Variants in CAPG observed in about 807,000 individuals in gnomAD.
CAPG encodes the protein macrophage-capping protein.
In CAPG, 32 loss-of-function variants were observed where a neutral mutation model predicts 44.6. The ratio of observed to expected loss-of-function variants is 0.72; its 90% CI spans 0.54 to 0.96. CAPG has a LOEUF of 0.96. CAPG is among the 50% of genes least tolerant of loss of function. The pLI is 0.00. For synonymous variants in CAPG, 175 were observed against 179.6 expected, an observed-to-expected ratio of 0.97 and a Z score of 0.20; for missense variants, 412 against 438.3, an observed-to-expected ratio of 0.94 and a Z score of 0.54.
chr2:85,401,440 C>G (rs544422536), intron 4 of CAPG, 89 bp downstream of exon 4: 6 of 1,582,000 alleles, frequency 3.8e-6, no homozygotes, highest in Non-Finnish European at 5.2e-6. Context: ...CAAAGGCACC[C>G]GGGTCTTCTG....
chr2:85,392,604 T>C (rs1188544454), downstream of CAPG, among the ~76,000 whole-genome samples: 1 of 152,158 alleles, frequency 6.6e-6, no homozygotes, highest in Non-Finnish European at 1.5e-5. Context: ...CACCCAGGCG[T>C]GGAGGGGAAC....
chr2:85,392,490 C>T (rs1373443523), downstream of CAPG, among the ~76,000 whole-genome samples: 1 of 152,164 alleles, frequency 6.6e-6, no homozygotes, highest in African/African-American at 2.4e-5. Flanking sequence ...CTCCGGACCC[C>T]CTCAAGTGGA....
At chr2:85,401,482 C>A (rs1400000136) in intron 4 of CAPG, 47 bp downstream of exon 4, 2 of 1,606,776 alleles carry the variant, frequency 1.2e-6, no homozygotes, top group Non-Finnish European at 1.7e-6. Context: ...GCAGGGCTGG[C>A]TCTGAGGGAA....
chr2:85,392,688 G>C (rs1376539288), downstream of CAPG, among the ~76,000 whole-genome samples: 1 of 152,240 alleles, frequency 6.6e-6, no homozygotes, highest in Non-Finnish European at 1.5e-5. Context: ...TGTGTTGTCT[G>C]CCTGACCTGA....
Position 85,401,843 on chromosome 2 carries a change from G to A in CAPG, c.138C>T (p.Asp46=). The A allele has an allele frequency of 6.2e-7, 1 of 1,614,136 alleles. No individual in the cohort carries two copies. ...GGCCATTGTGCAGCACTAGGTAGGA[G>A]TCCCCCGAGAAGAAGACGCCCTGGT... ...QENQGVFFSG[D]SYLVLHNGPE... is the part of the protein sequence containing the mutation. Residue 46 remains aspartate, a synonymous_variant, in exon 3 of 10, where the codon GAC becomes GAT. Transcript: ENST00000263867.
chr2:85,393,236 A>G (rs1007162958), downstream of CAPG, among the ~76,000 whole-genome samples: 1 of 152,024 alleles, frequency 6.6e-6, no homozygotes, highest in Non-Finnish European at 1.5e-5. Context: ...GGGTTTCACC[A>G]TGGTCCCCAG....
rs555792280 is a variant in CAPG at position 85,403,015 on chromosome 2, C to T, written c.-13-857G>A. 1.3e-4 allele frequency among the ~76,000 whole-genome samples: 20 copies of T among 152,232 alleles called. No individual in the cohort carries two copies. In the South Asian group the frequency reaches 3.7e-3, roughly 28 times the overall value. Reference sequence around the variant, plus strand: ...TAAACTCCTGACCTCAGGTGATTCACGCGCCTCAGCCTCCCAAAGTGTTGG... The same window carrying T: ...TAAACTCCTGACCTCAGGTGATTCATGCGCCTCAGCCTCCCAAAGTGTTGG... On this transcript the variant is annotated intron_variant, in intron 1 of 9. Coordinates refer to ENST00000263867, the MANE Select transcript of CAPG (RefSeq NM_001747.4).
At position 85,399,633 on chromosome 2, in the gene CAPG, G is replaced by C. The variant is rs111689089; in HGVS notation, c.517-348C>G. Among the ~76,000 whole-genome samples, 70 of 152,188 alleles carry C rather than the reference G, an allele frequency of 4.6e-4. 2 individuals carry two copies. Among genetic ancestry groups the C allele is most frequent in the African/African-American group, 1.6e-3 (67 of 41,510 alleles). On this transcript the variant is annotated intron_variant, in intron 5 of 9. Coordinates refer to ENST00000263867, the MANE Select transcript of CAPG (RefSeq NM_001747.4). ...AGCTTCTAAGCAGCTGAGACTATAA[G>C]CACTTGCCACCATGCCTGGCTAATT...
intron 7 of CAPG, 47 bp downstream of exon 7, chr2:85,398,643 C>T: frequency 6.8e-7 from 1 of 1,471,102 alleles, no homozygotes; most frequent in Non-Finnish European, 9.3e-7. Flanking sequence ...TGTGCAGGCT[C>T]CCACCCTCCC....
Position 85,416,661 on chromosome 2 carries a change from C to T in CAPG, c.-14+1606G>A, listed in dbSNP as rs141686905. Among the ~76,000 whole-genome samples the T allele has an allele frequency of 6.4e-3, 971 of 152,212 alleles. 4 individuals carry two copies. Among genetic ancestry groups the T allele is most frequent in the Non-Finnish European group, 9.9e-3 (671 of 68,010 alleles). On this transcript the variant is annotated intron_variant, in intron 1 of 5. Transcript: ENST00000409275. ...CCGAATATCTGGGACTACAGGCGCACGCCACTATGCCAGCTAATTTTTTTG... is the reference window on the plus strand; with the variant it reads ...CCGAATATCTGGGACTACAGGCGCATGCCACTATGCCAGCTAATTTTTTTG...
At chr2:85,406,697 A>G (rs1687176597) in intron 1 of CAPG, among the ~76,000 whole-genome samples, 1 of 152,012 alleles carries the variant, frequency 6.6e-6, no homozygotes. Flanking sequence ...CATCTCTACT[A>G]AAAATACAAA....
At chr2:85,394,028 G>A (rs1686480467), downstream of CAPG, among the ~76,000 whole-genome samples, 2 of 152,216 alleles carry the variant, frequency 1.3e-5, no homozygotes, top group African/African-American at 4.8e-5. Context: ...AGCCTTGCCA[G>A]GCCTCACGGC....
intron 1 of CAPG, among the ~76,000 whole-genome samples, chr2:85,402,703 T>C (rs942626794): frequency 6.6e-6 from 1 of 151,780 alleles, no homozygotes; most frequent in East Asian, 1.9e-4. Context: ...TAACCTCAAG[T>C]GATTTGCCCA....
At chr2:85,409,598 G>C (rs974059165) in intron 1 of CAPG, among the ~76,000 whole-genome samples, 8 of 152,002 alleles carry the variant, frequency 5.3e-5, no homozygotes, top group African/African-American at 1.9e-4. Context: ...GGTGGAGGTA[G>C]GTGCCCACCC....
At chr2:85,416,781 T>C (rs1644234981) in intron 1 of CAPG, among the ~76,000 whole-genome samples, 1 of 152,194 alleles carries the variant, frequency 6.6e-6, no homozygotes, top group Non-Finnish European at 1.5e-5. Context: ...CCCAAAGTGT[T>C]GGGATTACAG....
At chr2:85,396,531 T>G (rs997504846) in intron 8 of CAPG, among the ~76,000 whole-genome samples, 5 of 152,202 alleles carry the variant, frequency 3.3e-5, no homozygotes, top group Non-Finnish European at 7.3e-5. Flanking sequence ...TTCCTTCCTC[T>G]GTCAACTGAC....
chr2:85,403,652 G>C (rs1268324264), intron 1 of CAPG, among the ~76,000 whole-genome samples: 1 of 152,144 alleles, frequency 6.6e-6, no homozygotes, highest in Non-Finnish European at 1.5e-5. Context: ...ACTTTGGGAG[G>C]CCAAGGTGGG....
At chr2:85,418,304 AG>A (rs1687617804) in exon 1 of CAPG, 1 of 151,908 alleles carries the variant, frequency 6.6e-6, no homozygotes, top group Non-Finnish European at 1.5e-5. Flanking sequence ...GGTACATCTC[AG>A]GGTCGGCAGA....
At chr2:85,407,342 A>C (rs572906505) in intron 1 of CAPG, among the ~76,000 whole-genome samples, 1 of 152,336 alleles carries the variant, frequency 6.6e-6, no homozygotes, top group East Asian at 1.9e-4. Flanking sequence ...AAGTGATGGT[A>C]GTAGTGCCAG....
Sources: gnomAD v4.1 joint callset for allele counts (sites outside exome capture counted in the v4.1 genomes callset) on GRCh38, gnomAD v4.1.1 for gene constraint, MANE v1.5 for transcripts, NCBI Gene and HGNC (gene_info 2026-07-23, HGNC 2026-07-21) for gene names.